The following PBX1 variants were observed in gnomAD, a reference collection of about 807,000 sequenced individuals.
PBX1 encodes the protein PBX homeobox 1.
In PBX1, 6 loss-of-function variants were observed where a neutral mutation model predicts 53.4. The observed-to-expected ratio is 0.11, with a 90% CI of 0.06 to 0.22. The LOEUF (loss-of-function observed/expected upper bound fraction) is 0.22, where lower values mean the gene tolerates loss of function less well. Ranked by LOEUF, PBX1 falls within the 10% of genes least tolerant of loss-of-function variation. The pLI, the probability that PBX1 is intolerant of heterozygous loss-of-function variation, is 1.00. For synonymous variants in PBX1, 204 were observed against 212.3 expected, an observed-to-expected ratio of 0.96 and a Z score of 0.34; for missense variants, 251 against 551.4, an observed-to-expected ratio of 0.46 and a Z score of 5.46.
At chr1:164,840,210 A>G (rs1415336272) in intron 8 of PBX1, among the ~76,000 whole-genome samples, 1 of 152,234 alleles carries the variant, frequency 6.6e-6, no homozygotes, top group Non-Finnish European at 1.5e-5. Flanking sequence ...AAGTAAGACA[A>G]GTGGCAAAAT....
intron 2 of PBX1, among the ~76,000 whole-genome samples, chr1:164,692,605 A>C (rs1662555361): frequency 6.6e-6 from 1 of 152,146 alleles, no homozygotes; most frequent in African/African-American, 2.4e-5. Context: ...AAAGATAAGC[A>C]AGAAATGAAG....
At chr1:164,595,716 A>G (rs1362621717) in intron 2 of PBX1, among the ~76,000 whole-genome samples, 1 of 152,206 alleles carries the variant, frequency 6.6e-6, no homozygotes, top group Admixed American at 6.5e-5. Context: ...ATTGACAGCC[A>G]TTATTATAAA....
At chr1:164,765,176 G>A (rs1667001942) in intron 2 of PBX1, among the ~76,000 whole-genome samples, 1 of 152,158 alleles carries the variant, frequency 6.6e-6, no homozygotes, top group Non-Finnish European at 1.5e-5. Flanking sequence ...ACAAAAAAGA[G>A]CAAGCAGTAT....
intron 2 of PBX1, among the ~76,000 whole-genome samples, chr1:164,671,840 C>G (rs1193048559): frequency 6.6e-6 from 1 of 152,078 alleles, no homozygotes; most frequent in Non-Finnish European, 1.5e-5. Context: ...TGGTATCTGC[C>G]AGCCCAACTG....
At chr1:164,684,354 T>C (rs1661972651) in intron 2 of PBX1, 1 of 152,196 alleles carries the variant, frequency 6.6e-6, no homozygotes, top group African/African-American at 2.4e-5. Flanking sequence ...AAGAAGTCTT[T>C]ATTCTTTGAC....
In PBX1 at chr1:164,807,452, T is replaced by C. The variant is rs1050297388; in HGVS notation, c.702-90T>C. ...CAAATTCACCTTTTGCTCAAAAATT[T>C]GTCTTCTCCCAGAAGTAGATTTATT... On this transcript the variant is annotated intron_variant, in intron 4 of 8. Transcript: ENST00000420696. 2.0e-6 allele frequency: 3 copies of C among 1,481,800 alleles called. No homozygotes were observed. In the South Asian group the frequency reaches 4.3e-5, roughly 21 times the overall value. 91.8% of individuals were successfully genotyped at this position (1,481,800 alleles called of 1,614,324 possible). A position where few individuals can be genotyped will look rare whatever the true frequency, so the allele number is the denominator to read the frequency against.
At chr1:164,743,606 TG>T (rs1240531038) in intron 2 of PBX1, among the ~76,000 whole-genome samples, 1 of 152,182 alleles carries the variant, frequency 6.6e-6, no homozygotes, top group East Asian at 1.9e-4. Flanking sequence ...TTACTAACAC[TG>T]TATCAGTTAA....
Position 164,858,208 on chromosome 1 carries a change from TA to T in PBX1, n.257+26735del, listed in dbSNP as rs1010401612. Among the ~76,000 whole-genome samples the T allele has an allele frequency of 1.8e-3, 268 of 148,586 alleles. 1 individual carries two copies. Among genetic ancestry groups the T allele is most frequent in the Middle Eastern group, 7.0e-3 (2 of 284 alleles). On this transcript the variant is annotated intron_variant and non_coding_transcript_variant, in intron 2 of 2. Transcript: ENST00000558796. Reference sequence around the variant, plus strand: ...ATTTTGTTTACAAAAATTACAAACTTAAAAAAAAAAGATACTGATTCCATTT... The same window carrying T: ...ATTTTGTTTACAAAAATTACAAACTTAAAAAAAAAGATACTGATTCCATTT...
At chr1:164,712,035 G>A (rs1231798233) in intron 2 of PBX1, among the ~76,000 whole-genome samples, 2 of 150,220 alleles carry the variant, frequency 1.3e-5, no homozygotes, top group African/African-American at 4.9e-5. Context: ...CCCACCGTAA[G>A]AGAATCAGAA....
intron 2 of PBX1, among the ~76,000 whole-genome samples, chr1:164,644,744 T>C (rs1659352103): frequency 6.6e-6 from 1 of 152,148 alleles, no homozygotes. Flanking sequence ...AGTTCTGAAC[T>C]TTGGGGACTC....
rs1214074781 is a variant in PBX1, at chr1:164,834,453, C to T, written c.1201-12131C>T. ...CCACTTCCTGGGTTCAAGCAATTCTCATGCCTCAGCCTCCCAAGTAGCTGG... is the reference window on the plus strand; with the variant it reads ...CCACTTCCTGGGTTCAAGCAATTCTTATGCCTCAGCCTCCCAAGTAGCTGG... On this transcript the variant is annotated intron_variant, in intron 8 of 8. Transcript: ENST00000420696. Among the ~76,000 whole-genome samples, 5 of 151,640 alleles carry T rather than the reference C, an allele frequency of 3.3e-5. No individual in the cohort carries two copies. In the East Asian group the frequency reaches 9.7e-4, roughly 29 times the overall value.
intron 2 of PBX1, among the ~76,000 whole-genome samples, chr1:164,647,553 C>T (rs1005499897): frequency 6.6e-6 from 1 of 152,106 alleles, no homozygotes; most frequent in Admixed American, 6.6e-5. Context: ...AGGAGCTTTC[C>T]TTTTTAGGTG....
intron 8 of PBX1, chr1:164,828,624 A>G (rs370588482): frequency 5.9e-5 from 9 of 151,982 alleles, no homozygotes; most frequent in African/African-American, 1.9e-4. Flanking sequence ...TCCAGACTCA[A>G]GTTGGTCCCT....
intron 2 of PBX1, among the ~76,000 whole-genome samples, chr1:164,628,607 G>A (rs1475463567): frequency 6.6e-6 from 1 of 152,134 alleles, no homozygotes; most frequent in East Asian, 1.9e-4. Flanking sequence ...GATAAATTAA[G>A]GATATTGGTA....
chr1:164,739,428 G>A (rs897407209), intron 2 of PBX1, among the ~76,000 whole-genome samples: 2 of 152,086 alleles, frequency 1.3e-5, no homozygotes, highest in Non-Finnish European at 2.9e-5. Context: ...TGTGGTAAGC[G>A]AAATTATTCC....
chr1:164,568,847 G>A (rs1653626151), intron 2 of PBX1, among the ~76,000 whole-genome samples: 1 of 152,204 alleles, frequency 6.6e-6, no homozygotes, highest in South Asian at 2.1e-4. Flanking sequence ...GGGAAAAAAG[G>A]TGCAGGAATA....
chr1:164,668,040 G>A lies in PBX1; in HGVS notation c.265+104729G>A, dbSNP rs191718379. 5.3e-5 allele frequency among the ~76,000 whole-genome samples: 8 copies of A among 152,252 alleles called. No individual in the cohort carries two copies. In the East Asian group the frequency reaches 1.5e-3, roughly 29 times the overall value. ...GATCTCTCCCTGATTGATAGGGCTT[G>A]TCTTTAGAAATGGAGTGATTGATGT... On this transcript the variant is annotated intron_variant, in intron 2 of 8. Coordinates refer to ENST00000420696, the MANE Select transcript of PBX1 (RefSeq NM_002585.4).
chr1:164,559,522 G>C lies in PBX1; in HGVS notation c.-301G>C, dbSNP rs956572516. ...GCCAGCTCTGATTTCTTTTCGCCAA[G>C]TGGGAAGGTGGTTTATTTTTCTTGC... On this transcript the variant is annotated 5_prime_UTR_variant, in exon 1 of 9. Coordinates refer to ENST00000420696, the MANE Select transcript of PBX1 (RefSeq NM_002585.4). 1 of 339,518 alleles carries C rather than the reference G, an allele frequency of 2.9e-6. No homozygotes were observed. Among genetic ancestry groups the C allele is most frequent in the Non-Finnish European group, 5.3e-6 (1 of 188,758 alleles). 21.0% of individuals were successfully genotyped at this position (339,518 alleles called of 1,614,324 possible).
intron 2 of PBX1, among the ~76,000 whole-genome samples, chr1:164,775,903 T>A (rs567741696): frequency 5.9e-5 from 9 of 152,306 alleles, no homozygotes; most frequent in African/African-American, 1.9e-4. Context: ...CAGTCTACAC[T>A]GGAGTAAGGA....
Sources: gnomAD v4.1 joint callset for allele counts (sites outside exome capture counted in the v4.1 genomes callset) on GRCh38, gnomAD v4.1.1 for gene constraint, MANE v1.5 for transcripts, NCBI Gene and HGNC (gene_info 2026-07-23, HGNC 2026-07-21) for gene names.